The following MPHOSPH9 variants were observed in gnomAD, a reference collection of about 807,000 sequenced individuals.
MPHOSPH9 encodes the protein M-phase phosphoprotein 9.
A neutral mutation model predicts 145.5 loss-of-function variants in MPHOSPH9; 88 were observed. The ratio of observed to expected loss-of-function variants is 0.60; its 90% CI spans 0.51 to 0.72. The LOEUF (loss-of-function observed/expected upper bound fraction) is 0.72. MPHOSPH9 is among the 30% of genes least tolerant of loss of function. The pLI is 0.00. For missense variants in MPHOSPH9, 1,238 were observed against 1,386.6 expected (o/e 0.89, Z 1.70); for synonymous variants, 435 against 486.2 (o/e 0.89, Z 1.39).
chr12:123,209,518 T>C (rs1380052971), intron 8 of MPHOSPH9, among the ~76,000 whole-genome samples: 3 of 152,114 alleles, frequency 2.0e-5, no homozygotes, highest in Admixed American at 2.0e-4. Flanking sequence ...GTGATTCTCC[T>C]GCCTCAGCCT....
chr12:123,215,232 A>G (rs1565961751), intron 6 of MPHOSPH9, among the ~76,000 whole-genome samples: 1 of 151,702 alleles, frequency 6.6e-6, no homozygotes, highest in Non-Finnish European at 1.5e-5. Context: ...ACAGAGCAAG[A>G]CTCTGTCTCA....
At chr12:123,236,775 C>T (rs1055590188), upstream of MPHOSPH9, among the ~76,000 whole-genome samples, 1 of 151,908 alleles carries the variant, frequency 6.6e-6, no homozygotes, top group African/African-American at 2.4e-5. Flanking sequence ...TTATAAAGTT[C>T]CCGTTAGATG....
intron 11 of MPHOSPH9, among the ~76,000 whole-genome samples, chr12:123,199,802 A>G (rs552036315): frequency 9.2e-4 from 140 of 151,982 alleles, no homozygotes; most frequent in Non-Finnish European, 5.4e-4. Flanking sequence ...AAAAAAAAAA[A>G]AGAAAGAAAG....
At chr12:123,163,391 T>C in intron 19 of MPHOSPH9, 1 of 366,336 alleles carries the variant, frequency 2.7e-6, no homozygotes. Flanking sequence ...ATTTTAGAAG[T>C]CGACTGGAAA....
At chr12:123,191,396 T>C (rs1329266369) in intron 13 of MPHOSPH9, among the ~76,000 whole-genome samples, 3 of 152,178 alleles carry the variant, frequency 2.0e-5, no homozygotes, top group African/African-American at 7.2e-5. Context: ...GTTCAAGTGA[T>C]TCTCCTGCCT....
chr12:123,198,322 T>C lies in MPHOSPH9; in HGVS notation c.1950A>G (p.Leu650=), dbSNP rs1277000425. Residue 650 remains leucine, a synonymous_variant, in exon 12 of 24, where the codon TTA becomes TTG. Coordinates refer to ENST00000606320, the MANE Select transcript of MPHOSPH9 (RefSeq NM_022782.4). ...NQILVDRCGQ[L]DSALHEATSR... is the part of the protein sequence containing the mutation. ...TAGTAGCTTCATGCAAAGCACTATC[T>C]AATTGGCCACATCTAAAAACCATAA... 1 of 1,611,318 alleles carries C rather than the reference T, an allele frequency of 6.2e-7. No individual in the cohort carries two copies. Among genetic ancestry groups the C allele is most frequent in the Non-Finnish European group, 8.5e-7 (1 of 1,178,628 alleles).
At chr12:123,224,519 C>T (rs1217261611) in intron 3 of MPHOSPH9, among the ~76,000 whole-genome samples, 2 of 152,086 alleles carry the variant, frequency 1.3e-5, no homozygotes, top group African/African-American at 4.8e-5. Flanking sequence ...GATCCACCCG[C>T]CTCGGTCTCC....
intron 6 of MPHOSPH9, among the ~76,000 whole-genome samples, chr12:123,216,377 A>G (rs1366256621): frequency 6.6e-6 from 1 of 152,232 alleles, no homozygotes; most frequent in Non-Finnish European, 1.5e-5. Context: ...CAATCTTCTT[A>G]TGACCTCTTT....
rs551699813 is a variant in MPHOSPH9, at chr12:123,194,692, G to A, written c.2026-91C>T. The A allele has an allele frequency of 1.4e-3, 1,240 of 895,632 alleles. 9 individuals carry two copies. Among genetic ancestry groups the A allele is most frequent in the Non-Finnish European group, 9.5e-4 (589 of 620,326 alleles). 55.5% of individuals were successfully genotyped at this position (895,632 alleles called of 1,614,324 possible). A position where few individuals can be genotyped will look rare whatever the true frequency, so the allele number is the denominator to read the frequency against. ...GCTGGAGTACAATGGCGCAATCTTGGCCTACTGCAACCTCTGCCTCCCAGG... is the reference window on the plus strand; with the variant it reads ...GCTGGAGTACAATGGCGCAATCTTGACCTACTGCAACCTCTGCCTCCCAGG... On this transcript the variant is annotated intron_variant, in intron 12 of 23. Coordinates refer to ENST00000606320, the MANE Select transcript of MPHOSPH9 (RefSeq NM_022782.4).
At chr12:123,156,980 T>C in intron 23 of MPHOSPH9, 72 bp from the exon 24 acceptor site, 1 of 1,138,432 alleles carries the variant, frequency 8.8e-7, no homozygotes. Flanking sequence ...CAAACTGACC[T>C]TTCTTTTAGC....
intron 13 of MPHOSPH9, among the ~76,000 whole-genome samples, chr12:123,188,739 A>G (rs575158195): frequency 6.6e-6 from 1 of 152,134 alleles, no homozygotes; most frequent in Non-Finnish European, 1.5e-5. Flanking sequence ...TCCCAGCTAC[A>G]TGGTAGGCTA....
At chr12:123,152,915 A>C (rs554790843), downstream of MPHOSPH9, 1 of 155,808 alleles carries the variant, frequency 6.4e-6, no homozygotes, top group South Asian at 1.9e-4. Flanking sequence ...GGCACATTGA[A>C]ATCTAGTGAA....
chr12:123,181,036 G>C, intron 14 of MPHOSPH9, 127 bp downstream of exon 14: 1 of 824,320 alleles, frequency 1.2e-6, no homozygotes, highest in Non-Finnish European at 2.0e-6. Flanking sequence ...GGATAAGCAA[G>C]GTTCCAGTTC....
At chr12:123,240,240 G>T (rs917764626) in intron 1 of MPHOSPH9, among the ~76,000 whole-genome samples, 1 of 151,756 alleles carries the variant, frequency 6.6e-6, no homozygotes, top group African/African-American at 2.4e-5. Flanking sequence ...TGGACGTGGT[G>T]GTGGGCACCT....
chr12:123,166,694 C>T lies in MPHOSPH9; in HGVS notation c.2552G>A (p.Ser851Asn), dbSNP rs1175105301. Reference sequence around the variant, plus strand: ...TTCCTCCAGCTGGTTATCCACGTTACTGTCCTGGGTGTCCAGAGGCTGGCC... The same window carrying T: ...TTCCTCCAGCTGGTTATCCACGTTATTGTCCTGGGTGTCCAGAGGCTGGCC... ...FTGQPLDTQD[S>N]NVDNQLEETC... is the part of the protein sequence containing the mutation. Residue 851 changes from serine to asparagine, a missense_variant, in exon 17 of 24, where the codon AGT becomes AAT. Physicochemically the swap from Ser to Asn is conservative, Grantham distance 46. This residue lies in a region of MPHOSPH9 where 393 missense variants were observed against 462.5 expected (regional missense o/e 0.85). Coordinates refer to ENST00000606320, the MANE Select transcript of MPHOSPH9 (RefSeq NM_022782.4). 6.2e-7 allele frequency: 1 copy of T among 1,614,024 alleles called. No homozygotes were observed. The highest frequency in any genetic ancestry group is 8.5e-7 in the Non-Finnish European group (1 of 1,179,990).
chr12:123,171,957 A>T (rs2044601416), intron 16 of MPHOSPH9, among the ~76,000 whole-genome samples: 1 of 152,162 alleles, frequency 6.6e-6, no homozygotes, highest in Non-Finnish European at 1.5e-5. Context: ...AACCATTTAT[A>T]CTAAATTTGT....
chr12:123,161,699 C>A (rs369409574), intron 21 of MPHOSPH9, among the ~76,000 whole-genome samples: 120 of 144,428 alleles, frequency 8.3e-4, no homozygotes, highest in African/African-American at 2.8e-3. Flanking sequence ...CTAAATAATA[C>A]ATCACATTTA....
At chr12:123,222,984 A>G (rs201975716) in intron 4 of MPHOSPH9, 54 bp downstream of exon 4, 19 of 863,318 alleles carry the variant, frequency 2.2e-5, no homozygotes, top group South Asian at 3.2e-5. Flanking sequence ...GTGTGTGTAT[A>G]TGTACGTATG....
chr12:123,231,553 C>T (rs1162472246), intron 1 of MPHOSPH9, among the ~76,000 whole-genome samples: 1 of 152,050 alleles, frequency 6.6e-6, no homozygotes, highest in Non-Finnish European at 1.5e-5. Context: ...CACACTGGAG[C>T]CTGCCTGCAG....
Sources: allele counts gnomAD v4.1 joint callset (sites outside exome capture counted in the v4.1 genomes callset), GRCh38; gene constraint gnomAD v4.1.1; regional missense constraint gnomAD v4.1.1; transcripts MANE v1.5; gene names NCBI Gene and HGNC (gene_info 2026-07-23, HGNC 2026-07-21).